The following AGBL4 variants were observed in gnomAD, a reference collection of about 807,000 sequenced individuals.
The protein encoded by AGBL4 is cytosolic carboxypeptidase 6.
AGBL4 carries 58 observed loss-of-function variants against 66.4 expected under a neutral mutation model. The ratio of observed to expected loss-of-function variants is 0.87; its 90% CI spans 0.71 to 1.09. The LOEUF (loss-of-function observed/expected upper bound fraction) is 1.09, where lower values mean the gene tolerates loss of function less well. AGBL4 is among the 50% of genes least tolerant of loss of function. AGBL4 has a pLI of 0.00. For synonymous variants in AGBL4, 234 were observed against 222.9 expected, an observed-to-expected ratio of 1.05 and a Z score of -0.44; for missense variants, 579 against 631.0, an observed-to-expected ratio of 0.92 and a Z score of 0.88.
intron 3 of AGBL4, among the ~76,000 whole-genome samples, chr1:49,397,764 A>T (rs1218044163): frequency 4.6e-5 from 7 of 152,304 alleles, no homozygotes; most frequent in African/African-American, 1.7e-4. Context: ...TTCTCTAGCC[A>T]GCACACTAGC....
At chr1:48,857,038 T>C (rs1413634657) in intron 6 of AGBL4, among the ~76,000 whole-genome samples, 1 of 152,208 alleles carries the variant, frequency 6.6e-6, no homozygotes, top group African/African-American at 2.4e-5. Context: ...CATTACTTAT[T>C]AATTGTGTTC....
At chr1:49,303,456 T>TTTATTTATTTATTTATTTAC (rs1644792515) in intron 3 of AGBL4, among the ~76,000 whole-genome samples, 1 of 151,130 alleles carries the variant, frequency 6.6e-6, no homozygotes, top group Non-Finnish European at 1.5e-5. Context: ...ATGTCTTTTA[T>TTTATTTATTTATTTATTTAC]TTATTTATTT....
At chr1:49,654,821 G>A (rs185776801) in intron 3 of AGBL4, among the ~76,000 whole-genome samples, 7 of 152,118 alleles carry the variant, frequency 4.6e-5, no homozygotes, top group East Asian at 1.9e-4. Context: ...GTGTGTCTCC[G>A]CACGTGAGAT....
chr1:49,740,263 A>C (rs1650320281), intron 2 of AGBL4, among the ~76,000 whole-genome samples: 1 of 152,192 alleles, frequency 6.6e-6, no homozygotes, highest in African/African-American at 2.4e-5. Flanking sequence ...GTCTCTGATA[A>C]AACAGACTTT....
chr1:49,796,927 G>T (rs909143534), intron 2 of AGBL4, among the ~76,000 whole-genome samples: 1 of 151,962 alleles, frequency 6.6e-6, no homozygotes, highest in East Asian at 1.9e-4. Flanking sequence ...TATAGTTAAC[G>T]AATTGCAGTG....
intron 3 of AGBL4, among the ~76,000 whole-genome samples, chr1:49,427,609 G>A (rs1645692629): frequency 6.6e-6 from 1 of 152,182 alleles, no homozygotes; most frequent in Non-Finnish European, 1.5e-5. Flanking sequence ...CTTCCTTCCG[G>A]TGGGTTCGTG....
chr1:48,867,044 G>A, intron 6 of AGBL4, 147 bp downstream of exon 6: 2 of 894,984 alleles, frequency 2.2e-6, no homozygotes, highest in South Asian at 1.5e-5. Flanking sequence ...AGAGGGTAGG[G>A]GAGGAGAAGA....
intron 1 of AGBL4, among the ~76,000 whole-genome samples, chr1:49,854,949 G>A (rs1646397340): frequency 6.6e-6 from 1 of 152,156 alleles, no homozygotes; most frequent in Non-Finnish European, 1.5e-5. Flanking sequence ...GCCTATGTAT[G>A]TCATCCAGTT....
chr1:49,470,881 C>A (rs141014308), intron 3 of AGBL4, among the ~76,000 whole-genome samples: 2 of 152,002 alleles, frequency 1.3e-5, no homozygotes, highest in Non-Finnish European at 2.9e-5. Context: ...GCTGTACCTG[C>A]GGCTTCAATA....
chr1:48,779,527 C>T (rs1645237719), intron 6 of AGBL4, among the ~76,000 whole-genome samples: 1 of 152,214 alleles, frequency 6.6e-6, no homozygotes, highest in South Asian at 2.1e-4. Context: ...TTTTATCTTC[C>T]CTCACTAGAA....
intron 3 of AGBL4, among the ~76,000 whole-genome samples, chr1:49,575,507 G>T (rs769605681): frequency 6.6e-6 from 1 of 152,194 alleles, no homozygotes; most frequent in Non-Finnish European, 1.5e-5. Flanking sequence ...TCAAAGATTA[G>T]TGGCACCATA....
intron 9 of AGBL4, among the ~76,000 whole-genome samples, chr1:48,603,317 A>G (rs1645103562): frequency 6.6e-6 from 1 of 152,060 alleles, no homozygotes; most frequent in Non-Finnish European, 1.5e-5. Context: ...TAAAAATACA[A>G]AAATTAGCTG....
At chr1:49,999,228 A>C (rs1660570953) in intron 1 of AGBL4, among the ~76,000 whole-genome samples, 1 of 152,096 alleles carries the variant, frequency 6.6e-6, no homozygotes, top group African/African-American at 2.4e-5. Flanking sequence ...AATTCAGCAA[A>C]GCTTCAGGAT....
intron 2 of AGBL4, among the ~76,000 whole-genome samples, chr1:49,697,731 C>G (rs897212325): frequency 3.3e-5 from 5 of 151,952 alleles, no homozygotes; most frequent in Non-Finnish European, 2.9e-5. Context: ...TGTGGTAAGC[C>G]CCTATAAACC....
chr1:48,880,749 C>T (rs1419918199), intron 5 of AGBL4, among the ~76,000 whole-genome samples: 1 of 151,990 alleles, frequency 6.6e-6, no homozygotes, highest in African/African-American at 2.4e-5. Context: ...TTTTTCCATG[C>T]TTTTTTCTAG....
At chr1:49,917,955 G>C (rs1326608036) in intron 1 of AGBL4, among the ~76,000 whole-genome samples, 1 of 152,150 alleles carries the variant, frequency 6.6e-6, no homozygotes, top group Non-Finnish European at 1.5e-5. Context: ...CAACTACCTA[G>C]AAACTGAACA....
intron 8 of AGBL4, among the ~76,000 whole-genome samples, chr1:48,645,876 G>A (rs1295001758): frequency 4.6e-5 from 7 of 152,114 alleles, no homozygotes; most frequent in Non-Finnish European, 8.8e-5. Context: ...AGGACAGGGA[G>A]GGGAATGGAT....
chr1:49,857,918 G>A (rs77293734), intron 1 of AGBL4, among the ~76,000 whole-genome samples: 3,282 of 152,132 alleles, frequency 0.022, 107 homozygotes, highest in African/African-American at 0.073. Context: ...TCAACAAAAT[G>A]ATTAGACAAT....
chr1:49,237,073 G>A (rs569634402), intron 4 of AGBL4, among the ~76,000 whole-genome samples: 172 of 151,222 alleles, frequency 1.1e-3, no homozygotes, highest in African/African-American at 4.1e-3. Flanking sequence ...GGCTAACACG[G>A]TGAAACCCCA....
Sources: allele counts gnomAD v4.1 joint callset (sites outside exome capture counted in the v4.1 genomes callset), GRCh38; gene constraint gnomAD v4.1.1; transcripts MANE v1.5; gene names NCBI Gene and HGNC (gene_info 2026-07-23, HGNC 2026-07-21).